The following PCDHGA1 variants were observed in gnomAD, a reference collection of about 807,000 sequenced individuals.
PCDHGA1 encodes protocadherin gamma subfamily A, 1, also known as protocadherin gamma-A1.
In PCDHGA1, 32 loss-of-function variants were observed where a neutral mutation model predicts 58.0. That is an observed-to-expected ratio of 0.55 (90% CI 0.42 to 0.74). The LOEUF (loss-of-function observed/expected upper bound fraction) is 0.74, where lower values mean the gene tolerates loss of function less well. Among genes scored for constraint, PCDHGA1 ranks in the 30% least tolerant of loss-of-function variants. The pLI, the probability that PCDHGA1 is intolerant of heterozygous loss-of-function variation, is 0.00. For synonymous variants in PCDHGA1, 498 were observed against 501.1 expected, an observed-to-expected ratio of 0.99 and a Z score of 0.08; for missense variants, 1,205 against 1,182.3, an observed-to-expected ratio of 1.02 and a Z score of -0.28.
chr5:141,366,389 C>G, intron 1 of PCDHGA1: 1 of 1,614,168 alleles, frequency 6.2e-7, no homozygotes. Flanking sequence ...CCCTGAGGAT[C>G]TGGACCTCAC....
Position 141,486,142 on chromosome 5 carries a change from C to T in PCDHGA1, c.2422-8665C>T. 6.2e-7 allele frequency: 1 copy of T among 1,614,200 alleles called. No homozygotes were observed. The highest frequency in any genetic ancestry group is 1.3e-5 in the African/African-American group (1 of 75,052). ...ACTATGAATTTGATGTGCGGGCTCG[C>T]GATGGGGGTTCTCCAGCCATGGAGC... On this transcript the variant is annotated intron_variant, in intron 1 of 3. Coordinates refer to ENST00000517417, the MANE Select transcript of PCDHGA1 (RefSeq NM_018912.3). This position sits in a 1 kb window ranked among gnomAD's most constrained non-coding sequence, Gnocchi z 5.0.
chr5:141,378,083 A>G (rs1774605949), intron 1 of PCDHGA1: 2 of 152,174 alleles, frequency 1.3e-5, no homozygotes, highest in South Asian at 4.1e-4. Context: ...TAATTTTATA[A>G]CTTTTTTTCA....
At chr5:141,384,231 C>T in intron 1 of PCDHGA1, 2 of 1,613,928 alleles carry the variant, frequency 1.2e-6, no homozygotes, top group Non-Finnish European at 1.7e-6. Flanking sequence ...AGGTGGCAGA[C>T]ACCAACGATA....
rs762306215 is a variant in PCDHGA1 at position 141,374,474 on chromosome 5, C to A, written c.2421+41369C>A. On this transcript the variant is annotated intron_variant, in intron 1 of 3. Transcript: ENST00000517417. ...AATAGTGGACATTAATGACAATACA[C>A]CCCGATTCTTAAAGGAAGAATTGGA... 3.7e-6 allele frequency: 6 copies of A among 1,612,140 alleles called. No individual in the cohort carries two copies. In the African/African-American group the frequency reaches 4.0e-5, roughly 11 times the overall value.
At chr5:141,409,219 T>A in intron 1 of PCDHGA1, 1 of 1,614,022 alleles carries the variant, frequency 6.2e-7, no homozygotes, top group Non-Finnish European at 8.5e-7. Context: ...AAATCCTTGA[T>A]GAAAACGACA....
chr5:141,412,131 G>A (rs2095537626), intron 1 of PCDHGA1: 1 of 152,156 alleles, frequency 6.6e-6, no homozygotes, highest in Non-Finnish European at 1.5e-5. Flanking sequence ...CTGGACTTTG[G>A]CCTCTGATAC....
intron 1 of PCDHGA1, chr5:141,370,893 C>A (rs116495533): frequency 6.2e-7 from 1 of 1,613,944 alleles, no homozygotes; most frequent in African/African-American, 1.3e-5. Flanking sequence ...TGTCAATTCG[C>A]TGCAGCAGTA....
Position 141,392,778 on chromosome 5 carries a change from G to A in PCDHGA1, c.2421+59673G>A, listed in dbSNP as rs375878103. ...ACTAAATAAGACCCATTTATGCACA[G>A]TGAAGATTCTGAGAGGATTCTGCAG... On this transcript the variant is annotated intron_variant, in intron 1 of 3. Coordinates refer to ENST00000517417, the MANE Select transcript of PCDHGA1 (RefSeq NM_018912.3). 5 of 1,533,872 alleles carry A rather than the reference G, an allele frequency of 3.3e-6. No homozygotes were observed. The African/African-American group carries it at 6.9e-5, about 21-fold the overall frequency.
intron 3 of PCDHGA1, 119 bp downstream of exon 3, chr5:141,505,600 G>T: frequency 1.3e-6 from 2 of 1,554,224 alleles, no homozygotes; most frequent in Middle Eastern, 3.4e-4. Context: ...AGATCTTTCG[G>T]CAGGTCTGAA....
At chr5:141,393,227 A>G (rs1389818557) in intron 1 of PCDHGA1, 1 of 1,613,740 alleles carries the variant, frequency 6.2e-7, no homozygotes, top group Non-Finnish European at 8.5e-7. Context: ...TCGAAGATCT[A>G]GAAGTAAAAA....
intron 1 of PCDHGA1, among the ~76,000 whole-genome samples, chr5:141,482,274 G>A (rs1219523359): frequency 6.6e-6 from 1 of 152,094 alleles, no homozygotes; most frequent in Non-Finnish European, 1.5e-5. Flanking sequence ...TTTAGCTTAG[G>A]TAAGTCTTTT....
intron 1 of PCDHGA1, chr5:141,414,885 C>T: frequency 6.2e-7 from 1 of 1,614,224 alleles, no homozygotes; most frequent in South Asian, 1.1e-5. Context: ...TGTACCCCGC[C>T]CTCCCCACAG....
chr5:141,404,129 A>G (rs753217773), intron 1 of PCDHGA1: 6 of 1,613,162 alleles, frequency 3.7e-6, no homozygotes, highest in Non-Finnish European at 5.1e-6. Context: ...TCTATCTTTT[A>G]CATTAGAAAA....
Position 141,421,691 on chromosome 5 carries a change from T to A in PCDHGA1, c.2422-73116T>A, listed in dbSNP as rs1175919580. ...GCAATTCCTGGGGCGCGATTTGCTC[T>A]TCCTAATGCTAGGGATCCAGATGTG... On this transcript the variant is annotated intron_variant, in intron 1 of 3. Coordinates refer to ENST00000517417, the MANE Select transcript of PCDHGA1 (RefSeq NM_018912.3). 6.2e-7 allele frequency: 1 copy of A among 1,613,816 alleles called. No individual in the cohort carries two copies. The highest frequency in any genetic ancestry group is 1.3e-5 in the African/African-American group (1 of 74,938).
intron 1 of PCDHGA1, chr5:141,376,564 A>T: frequency 1.2e-6 from 2 of 1,607,478 alleles, no homozygotes; most frequent in East Asian, 4.5e-5. Flanking sequence ...CAACCCAACT[A>T]ATCAGACAGG....
At position 141,490,132 on chromosome 5, in the gene PCDHGA1, A is replaced by C. The variant is rs1245562757; in HGVS notation, c.2422-4675A>C. On this transcript the variant is annotated intron_variant, in intron 1 of 3. Coordinates refer to ENST00000517417, the MANE Select transcript of PCDHGA1 (RefSeq NM_018912.3). This position sits in a 1 kb window ranked among gnomAD's most constrained non-coding sequence, Gnocchi z 5.4. ...GCGGAACCTCTTTGGCCTAGACCCT[A>C]GCAGTGGGGCAATCCATGTGTTGGG... 6.2e-7 allele frequency: 1 copy of C among 1,614,220 alleles called. No individual in the cohort carries two copies. Among genetic ancestry groups the C allele is most frequent in the South Asian group, 1.1e-5 (1 of 91,088 alleles).
chr5:141,371,779 C>T (rs1376819850), intron 1 of PCDHGA1: 2 of 1,614,012 alleles, frequency 1.2e-6, no homozygotes, highest in Non-Finnish European at 1.7e-6. Context: ...GTGCATGTAG[C>T]TGAGAACAAT....
chr5:141,423,086 T>TG, intron 1 of PCDHGA1: 1 of 1,613,912 alleles, frequency 6.2e-7, no homozygotes, highest in South Asian at 1.1e-5. Flanking sequence ...CTCTTCGCGG[T>TG]GGGGGAGCAC....
At chr5:141,399,722 A>G in intron 1 of PCDHGA1, 4 of 1,613,264 alleles carry the variant, frequency 2.5e-6, no homozygotes, top group Non-Finnish European at 3.4e-6. Context: ...CAGGCCCGCG[A>G]CCAGGGCTCG....
Sources: gnomAD v4.1 joint callset for allele counts (sites outside exome capture counted in the v4.1 genomes callset) on GRCh38, gnomAD v4.1.1 for gene constraint, Gnocchi (gnomAD v3.1) non-coding constraint, MANE v1.5 for transcripts, NCBI Gene and HGNC (gene_info 2026-07-23, HGNC 2026-07-21) for gene names.